FAM227B: variants seen among roughly 807,000 people sequenced by gnomAD.
FAM227B encodes the protein protein FAM227B.
In FAM227B, 88 loss-of-function variants were observed where a neutral mutation model predicts 73.8. The ratio of observed to expected loss-of-function variants is 1.19; its 90% CI spans 1.00 to 1.42. The LOEUF is 1.42. Ranked by LOEUF, FAM227B falls within the 40% of genes most tolerant of loss-of-function variation. The probability of loss-of-function intolerance (pLI) is 0.00; values close to 1 mark genes in which losing one functional copy is unlikely to be tolerated. For synonymous variants in FAM227B, 210 were observed against 190.5 expected, an observed-to-expected ratio of 1.10 and a Z score of -0.84; for missense variants, 632 against 590.9, an observed-to-expected ratio of 1.07 and a Z score of -0.72.
intron 11 of FAM227B, among the ~76,000 whole-genome samples, chr15:49,378,473 C>T (rs1443955785): frequency 1.4e-5 from 2 of 142,834 alleles, no homozygotes; most frequent in East Asian, 4.1e-4. Context: ...TTTTGATGTC[C>T]TCTTCAATGT....
intron 11 of FAM227B, among the ~76,000 whole-genome samples, chr15:49,476,258 T>C (rs1346751297): frequency 7.0e-6 from 1 of 141,880 alleles, no homozygotes; most frequent in Non-Finnish European, 1.6e-5. Context: ...ATTTGGCATA[T>C]ACTGCCAGGT....
intron 13 of FAM227B, among the ~76,000 whole-genome samples, chr15:49,349,001 T>C (rs2041901290): frequency 6.6e-6 from 1 of 152,172 alleles, no homozygotes; most frequent in African/African-American, 2.4e-5. Context: ...AAAGCCCAAA[T>C]TGTGCTTTAA....
intron 3 of FAM227B, among the ~76,000 whole-genome samples, chr15:49,602,613 G>A (rs1045227854): frequency 6.6e-6 from 1 of 152,142 alleles, no homozygotes; most frequent in East Asian, 1.9e-4. Flanking sequence ...CACTTTACTG[G>A]TGGTCTCCTT....
chr15:49,345,501 A>T lies in FAM227B; in HGVS notation c.1272-10005T>A, dbSNP rs112203319. Among the ~76,000 whole-genome samples, 985 of 152,274 alleles carry T rather than the reference A, an allele frequency of 6.5e-3. 17 individuals are homozygous for T. Among genetic ancestry groups the T allele is most frequent in the African/African-American group, 0.023 (948 of 41,546 alleles). ...TCTTTTTAGACACTTATAACTATAA[A>T]TTTTTTCCGAATTAGATAAAACAGA... On this transcript the variant is annotated intron_variant, in intron 13 of 15. Coordinates refer to ENST00000299338, the MANE Select transcript of FAM227B (RefSeq NM_152647.3).
chr15:49,472,591 C>A (rs1399108628), intron 11 of FAM227B, among the ~76,000 whole-genome samples: 1 of 152,048 alleles, frequency 6.6e-6, no homozygotes, highest in Non-Finnish European at 1.5e-5. Flanking sequence ...AAGTTGGGAA[C>A]AATTAAAAGT....
intron 1 of FAM227B, among the ~76,000 whole-genome samples, chr15:49,618,760 T>A (rs1028444377): frequency 6.6e-6 from 1 of 152,142 alleles, no homozygotes; most frequent in Non-Finnish European, 1.5e-5. Context: ...GAAACTGCAA[T>A]GTAAGTATAT....
intron 13 of FAM227B, among the ~76,000 whole-genome samples, chr15:49,360,198 C>G (rs1168657729): frequency 6.7e-6 from 1 of 150,372 alleles, no homozygotes; most frequent in African/African-American, 2.5e-5. Context: ...ATGTAACTAA[C>G]CTGCACAATG....
rs563951687 is a variant in FAM227B at position 49,359,430 on chromosome 15, A to T, written c.1271+8018T>A. ...AACCCCATCAAATAGTGGGCGAAGG[A>T]CATGAACAGACACTTCTCAAAAGAA... is the stretch of plus-strand genomic sequence containing the variant. On this transcript the variant is annotated intron_variant, in intron 13 of 15. Coordinates refer to ENST00000299338, the MANE Select transcript of FAM227B (RefSeq NM_152647.3). 1.5e-3 allele frequency among the ~76,000 whole-genome samples: 176 copies of T among 120,044 alleles called. 54 individuals are homozygous for T. In the South Asian group the frequency reaches 0.045, roughly 31 times the overall value. The allele number at this position is 120,044 out of a possible 152,430, so 78.8% of individuals were successfully genotyped here.
intron 11 of FAM227B, among the ~76,000 whole-genome samples, chr15:49,409,304 A>G (rs1363690062): frequency 6.6e-6 from 1 of 152,086 alleles, no homozygotes; most frequent in African/African-American, 2.4e-5. Flanking sequence ...CCCTTTATGA[A>G]AATAAACCGT....
chr15:49,336,625 A>T (rs1312916498), intron 13 of FAM227B, among the ~76,000 whole-genome samples: 1 of 152,134 alleles, frequency 6.6e-6, no homozygotes, highest in African/African-American at 2.4e-5. Flanking sequence ...TGCTCATTTT[A>T]TTTATTTTTC....
chr15:49,498,876 G>C (rs1270456112), intron 11 of FAM227B, among the ~76,000 whole-genome samples: 1 of 152,078 alleles, frequency 6.6e-6, no homozygotes, highest in Admixed American at 6.5e-5. Flanking sequence ...GACAAAGAAG[G>C]GCATTACAGG....
intron 14 of FAM227B, among the ~76,000 whole-genome samples, chr15:49,334,614 C>T (rs952346830): frequency 2.0e-5 from 3 of 152,000 alleles, no homozygotes; most frequent in Non-Finnish European, 4.4e-5. Context: ...TGGACGTACA[C>T]ATGCGTCTGT....
At chr15:49,350,754 T>C (rs2042123690) in intron 13 of FAM227B, among the ~76,000 whole-genome samples, 1 of 152,184 alleles carries the variant, frequency 6.6e-6, no homozygotes, top group Non-Finnish European at 1.5e-5. Flanking sequence ...TTCTCTCTTA[T>C]TTGCTCCAAG....
intron 8 of FAM227B, among the ~76,000 whole-genome samples, chr15:49,571,870 T>G (rs985228993): frequency 6.6e-5 from 10 of 152,034 alleles, no homozygotes; most frequent in African/African-American, 2.4e-4. Flanking sequence ...GACTGTTTTC[T>G]TCTATCTCTG....
At chr15:49,543,704 T>TGTAAGTA (rs2071406145) in intron 9 of FAM227B, among the ~76,000 whole-genome samples, 1 of 152,204 alleles carries the variant, frequency 6.6e-6, no homozygotes, top group African/African-American at 2.4e-5. Context: ...TCCAGCTTTA[T>TGTAAGTA]TCTTCTACAT....
chr15:49,385,719 T>A (rs187630312), intron 11 of FAM227B, among the ~76,000 whole-genome samples: 266 of 151,458 alleles, frequency 1.8e-3, no homozygotes, highest in African/African-American at 6.2e-3. Context: ...GCAGAATGGA[T>A]AAAAAAATCA....
intron 13 of FAM227B, among the ~76,000 whole-genome samples, chr15:49,361,701 G>A (rs2044269680): frequency 6.6e-6 from 1 of 152,072 alleles, no homozygotes; most frequent in Non-Finnish European, 1.5e-5. Flanking sequence ...GTGTTGCAAT[G>A]AGCATACGCG....
chr15:49,541,170 G>A (rs1449158689), intron 10 of FAM227B, among the ~76,000 whole-genome samples: 1 of 152,004 alleles, frequency 6.6e-6, no homozygotes, highest in Non-Finnish European at 1.5e-5. Flanking sequence ...TTAAACTCTA[G>A]TACTTAAATT....
Position 49,591,737 on chromosome 15 carries a change from G to A in FAM227B, c.106-1730C>T, listed in dbSNP as rs113035935. Among the ~76,000 whole-genome samples the A allele has an allele frequency of 9.7e-3, 1,475 of 151,578 alleles. 22 individuals carry two copies. Among genetic ancestry groups the A allele is most frequent in the African/African-American group, 0.034 (1,417 of 41,318 alleles). On this transcript the variant is annotated intron_variant, in intron 3 of 15. Coordinates refer to ENST00000299338, the MANE Select transcript of FAM227B (RefSeq NM_152647.3). ...CCTGACCTTGTGATCTGCTCACCTC[G>A]GCCTCCCAAAATGCTGCGATTACAG...
Sources: gnomAD v4.1 joint callset for allele counts (sites outside exome capture counted in the v4.1 genomes callset) on GRCh38, gnomAD v4.1.1 for gene constraint, MANE v1.5 for transcripts, NCBI Gene and HGNC (gene_info 2026-07-23, HGNC 2026-07-21) for gene names.